Variants in PHLPP1 observed in about 807,000 individuals in gnomAD.
The protein encoded by PHLPP1 is PH domain leucine-rich repeat-containing protein phosphatase 1.
Under a neutral mutation model 117.2 loss-of-function variants are expected in PHLPP1, and 42 were observed. The ratio of observed to expected loss-of-function variants is 0.36; its 90% CI spans 0.28 to 0.46. The LOEUF (loss-of-function observed/expected upper bound fraction) is 0.46. Among genes scored for constraint, PHLPP1 ranks in the 20% least tolerant of loss-of-function variants. The pLI, the probability that PHLPP1 is intolerant of heterozygous loss-of-function variation, is 1.00. For missense variants in PHLPP1, 2,084 were observed against 2,241.9 expected, an observed-to-expected ratio of 0.93 and a Z score of 1.42; for synonymous variants, 1,042 against 970.7, an observed-to-expected ratio of 1.07 and a Z score of -1.37.
At chr18:62,855,374 C>T (rs1008531224) in intron 3 of PHLPP1, among the ~76,000 whole-genome samples, 1 of 152,128 alleles carries the variant, frequency 6.6e-6, no homozygotes, top group African/African-American at 2.4e-5. Flanking sequence ...GTAGTTTTCT[C>T]ATTTGGGAAT....
At position 62,848,435 on chromosome 18, in the gene PHLPP1, A is replaced by G. The variant is rs367964549; in HGVS notation, c.1899+9526A>G. Among the ~76,000 whole-genome samples, 181 of 134,078 alleles carry G rather than the reference A, an allele frequency of 1.3e-3. 8 individuals are homozygous for G. The South Asian group carries it at 0.042, about 31-fold the overall frequency. 88.0% of individuals were successfully genotyped at this position (134,078 alleles called of 152,430 possible). On this transcript the variant is annotated intron_variant, in intron 3 of 16. Transcript: ENST00000262719. ...TGAAGTAGGTGCTGATAACAATTCTATGAGGTTGGTTTTTTGTTGATTTTT... is the reference window on the plus strand; with the variant it reads ...TGAAGTAGGTGCTGATAACAATTCTGTGAGGTTGGTTTTTTGTTGATTTTT...
intron 1 of PHLPP1, among the ~76,000 whole-genome samples, chr18:62,804,199 A>G (rs553114479): frequency 4.1e-4 from 62 of 152,290 alleles, no homozygotes; most frequent in Non-Finnish European, 1.0e-4. Flanking sequence ...TGAAACCATC[A>G]GATCTCATGA....
chr18:62,752,271 A>G (rs894824028), intron 1 of PHLPP1, among the ~76,000 whole-genome samples: 1 of 152,200 alleles, frequency 6.6e-6, no homozygotes, highest in Non-Finnish European at 1.5e-5. Context: ...CCAGTAAAGA[A>G]TAGCTCTTAA....
At chr18:62,789,810 T>C (rs1009504794) in intron 1 of PHLPP1, among the ~76,000 whole-genome samples, 1 of 152,248 alleles carries the variant, frequency 6.6e-6, no homozygotes, top group South Asian at 2.1e-4. Flanking sequence ...CAATTTAATA[T>C]ATACATATAT....
intron 12 of PHLPP1, among the ~76,000 whole-genome samples, chr18:62,948,689 A>G (rs1265020337): frequency 6.8e-6 from 1 of 147,742 alleles, no homozygotes; most frequent in Non-Finnish European, 1.5e-5. Flanking sequence ...TTTTTTTTAT[A>G]CTTTAAGTTT....
chr18:62,888,843 T>A (rs1433062956), intron 4 of PHLPP1, among the ~76,000 whole-genome samples: 1 of 152,260 alleles, frequency 6.6e-6, no homozygotes, highest in Non-Finnish European at 1.5e-5. Flanking sequence ...CTTTGCATTC[T>A]TTTTAAATGA....
intron 10 of PHLPP1, among the ~76,000 whole-genome samples, chr18:62,922,110 T>G (rs1346764737): frequency 1.3e-5 from 2 of 148,470 alleles, no homozygotes; most frequent in African/African-American, 5.0e-5. Context: ...TTTTTGGTTT[T>G]GGGTTTTTTG....
At chr18:62,975,263 G>C (rs1911155030) in intron 15 of PHLPP1, 134 bp from the exon 16 acceptor site, 1 of 647,558 alleles carries the variant, frequency 1.5e-6, no homozygotes, top group African/African-American at 1.8e-5. Flanking sequence ...TGTGTGCTTT[G>C]ATGAAGGAGG....
In PHLPP1 at chr18:62,978,168, A is replaced by C; in HGVS notation, c.3985-94A>C. 7 of 670,356 alleles carry C rather than the reference A, an allele frequency of 1.0e-5. No individual in the cohort carries two copies. The highest frequency in any genetic ancestry group is 8.3e-5 in the Admixed American group (3 of 36,296). 41.5% of individuals were successfully genotyped at this position (670,356 alleles called of 1,614,324 possible). A position where few individuals can be genotyped will look rare whatever the true frequency, so the allele number is the denominator to read the frequency against. On this transcript the variant is annotated intron_variant, in intron 16 of 16. Coordinates refer to ENST00000262719, the MANE Select transcript of PHLPP1 (RefSeq NM_194449.4). The surrounding 1 kb of genome is among the most constrained non-coding windows in gnomAD (Gnocchi z 7.0). ...CCACACAGCACTTCTCTGTGGTCCT[A>C]CAGTCGAGACAGTCGAGGGACCCGC...
chr18:62,723,628 T>C (rs970645848), intron 1 of PHLPP1, among the ~76,000 whole-genome samples: 3 of 152,204 alleles, frequency 2.0e-5, no homozygotes, highest in African/African-American at 7.2e-5. Flanking sequence ...TCTTTTCAAA[T>C]ACCAGGCATG....
chr18:62,768,360 G>T (rs1912625628), intron 1 of PHLPP1, among the ~76,000 whole-genome samples: 2 of 152,088 alleles, frequency 1.3e-5, no homozygotes, highest in Non-Finnish European at 2.9e-5. Context: ...AACCAGACAT[G>T]ACCTGTGAGG....
chr18:62,914,798 C>A (rs1909218476), intron 8 of PHLPP1, 115 bp from the exon 9 acceptor site: 2 of 683,656 alleles, frequency 2.9e-6, no homozygotes, highest in Middle Eastern at 2.6e-4. Context: ...TCGATTTATG[C>A]CCTTGGTACT....
At chr18:62,904,708 CAGA>C (rs1291146552) in intron 7 of PHLPP1, among the ~76,000 whole-genome samples, 2 of 152,206 alleles carry the variant, frequency 1.3e-5, no homozygotes, top group African/African-American at 4.8e-5. Context: ...TTTAGAGAAG[CAGA>C]AGGACATTTA....
chr18:62,916,747 C>CTTTTTTTTTTTTTTTTTTTTT (rs10538704), intron 9 of PHLPP1, among the ~76,000 whole-genome samples: 3 of 71,090 alleles, frequency 4.2e-5, no homozygotes, highest in African/African-American at 1.2e-4. Flanking sequence ...TCCTTCTATT[C>CTTTTTTTTTTTTTTTTTTTTT]TTTTTTTTTT....
At chr18:62,952,839 C>G (rs2144468412) in intron 12 of PHLPP1, among the ~76,000 whole-genome samples, 1 of 152,250 alleles carries the variant, frequency 6.6e-6, no homozygotes, top group Middle Eastern at 3.4e-3. Flanking sequence ...CCAGGTGGAT[C>G]TCGAACTCCT....
At chr18:62,869,915 T>A (rs1915857333) in intron 4 of PHLPP1, among the ~76,000 whole-genome samples, 1 of 152,210 alleles carries the variant, frequency 6.6e-6, no homozygotes, top group Non-Finnish European at 1.5e-5. Context: ...TAAGACGGGC[T>A]CTTGCTCTGT....
At chr18:62,842,740 T>C (rs991024107) in intron 3 of PHLPP1, among the ~76,000 whole-genome samples, 6 of 152,214 alleles carry the variant, frequency 3.9e-5, no homozygotes, top group African/African-American at 1.4e-4. Context: ...CAAAAATGTT[T>C]AGCAGTTACA....
chr18:62,743,494 C>T (rs1911590138), intron 1 of PHLPP1, among the ~76,000 whole-genome samples: 1 of 152,030 alleles, frequency 6.6e-6, no homozygotes, highest in Admixed American at 6.6e-5. Flanking sequence ...TCATTTCATC[C>T]ATAAATACCT....
chr18:62,887,530 T>C (rs892297794), intron 4 of PHLPP1, among the ~76,000 whole-genome samples: 1 of 152,160 alleles, frequency 6.6e-6, no homozygotes, highest in Non-Finnish European at 1.5e-5. Context: ...TGAGGACTCA[T>C]TCTGTGCTTC....
Sources: gnomAD v4.1 joint callset for allele counts (sites outside exome capture counted in the v4.1 genomes callset) on GRCh38, gnomAD v4.1.1 for gene constraint, Gnocchi (gnomAD v3.1) non-coding constraint, MANE v1.5 for transcripts, NCBI Gene and HGNC (gene_info 2026-07-23, HGNC 2026-07-21) for gene names.